The following MYO16 variants were observed in gnomAD, a reference collection of about 807,000 sequenced individuals.
MYO16 encodes the protein myosin XVI.
MYO16 carries 94 observed loss-of-function variants against 205.3 expected under a neutral mutation model. That is an observed-to-expected ratio of 0.46 (90% CI 0.39 to 0.54). The LOEUF is 0.54. MYO16 is among the 20% of genes least tolerant of loss of function. MYO16 has a pLI of 0.00. For missense variants in MYO16, 2,315 were observed against 2,387.5 expected (o/e 0.97, Z 0.63); for synonymous variants, 988 against 954.0 (o/e 1.04, Z -0.66).
chr13:108,922,638 C>A (rs1227389136), intron 16 of MYO16, among the ~76,000 whole-genome samples: 1 of 152,072 alleles, frequency 6.6e-6, no homozygotes, highest in Non-Finnish European at 1.5e-5. Flanking sequence ...TCAGGTGGAG[C>A]CTATCAGGTT....
At chr13:108,571,650 G>A in the MYO16 span, among the ~76,000 whole-genome samples, 6 of 152,166 alleles carry the variant, frequency 3.9e-5, no homozygotes, top group Admixed American at 3.9e-4. Context: ...GGGTTCTCTG[G>A]CTGCAAATGG....
chr13:108,847,486 T>C (rs893959970), intron 10 of MYO16, among the ~76,000 whole-genome samples: 1 of 152,172 alleles, frequency 6.6e-6, no homozygotes, highest in Non-Finnish European at 1.5e-5. Flanking sequence ...TCACATTTCA[T>C]AGGAAAGCTT....
At chr13:108,880,506 T>G (rs1222142410) in intron 12 of MYO16, among the ~76,000 whole-genome samples, 1 of 152,232 alleles carries the variant, frequency 6.6e-6, no homozygotes, top group East Asian at 1.9e-4. Context: ...GTCTAACATT[T>G]AAGTCTTTAA....
At chr13:108,533,256 A>T in the MYO16 span, among the ~76,000 whole-genome samples, 26 of 152,212 alleles carry the variant, frequency 1.7e-4, no homozygotes, top group East Asian at 4.3e-3. Context: ...GTAACTATTT[A>T]AGTGTTGGAC....
intron 27 of MYO16, among the ~76,000 whole-genome samples, chr13:109,088,211 G>A (rs1285362829): frequency 6.6e-6 from 1 of 152,142 alleles, no homozygotes; most frequent in Non-Finnish European, 1.5e-5. Flanking sequence ...AGGTATGCAC[G>A]GGTGCGGAGT....
At chr13:109,062,565 G>GA (rs1264729291) in intron 27 of MYO16, among the ~76,000 whole-genome samples, 1 of 152,066 alleles carries the variant, frequency 6.6e-6, no homozygotes, top group Admixed American at 6.6e-5. Context: ...ATGGAATTAT[G>GA]AATTTATTTT....
chr13:108,970,995 G>T (rs565554976), intron 20 of MYO16, among the ~76,000 whole-genome samples: 3 of 152,176 alleles, frequency 2.0e-5, no homozygotes, highest in Non-Finnish European at 4.4e-5. Flanking sequence ...TTTTATAAAG[G>T]ATATCATCCA....
intron 21 of MYO16, among the ~76,000 whole-genome samples, chr13:108,993,635 T>C (rs908363995): frequency 6.6e-6 from 1 of 152,152 alleles, no homozygotes; most frequent in Non-Finnish European, 1.5e-5. Flanking sequence ...ATAGATCTCT[T>C]CTCCTTTCAT....
the MYO16 span, among the ~76,000 whole-genome samples, chr13:108,537,621 G>C: frequency 6.6e-6 from 1 of 152,034 alleles, no homozygotes; most frequent in African/African-American, 2.4e-5. Flanking sequence ...CACTAACAGT[G>C]GGTAAGCATT....
chr13:108,687,967 C>T (rs1276632821), intron 2 of MYO16, among the ~76,000 whole-genome samples: 2 of 152,096 alleles, frequency 1.3e-5, no homozygotes, highest in Non-Finnish European at 2.9e-5. Context: ...GAGGAAGAGG[C>T]AGAGTGACTA....
At position 108,709,900 on chromosome 13, in the gene MYO16, T is replaced by C. The variant is rs767677965; in HGVS notation, c.293-2761T>C. On this transcript the variant is annotated intron_variant, in intron 2 of 34. Transcript: ENST00000457511. ...TGGTTCTAATATGGTTCCATCTTGA[T>C]CATGCAAACAGCCCTCTCAAAAAAA... Among the ~76,000 whole-genome samples the C allele has an allele frequency of 1.9e-4, 26 of 134,582 alleles. 6 individuals are homozygous for C. Among genetic ancestry groups the C allele is most frequent in the Non-Finnish European group, 3.7e-4 (23 of 61,524 alleles). The allele number at this position is 134,582 out of a possible 152,430, so 88.3% of individuals were successfully genotyped here. A position where few individuals can be genotyped will look rare whatever the true frequency, so the allele number is the denominator to read the frequency against.
rs577031815 is a variant in MYO16 at position 108,978,911 on chromosome 13, T to C, written c.2370-13465T>C. 7.9e-5 allele frequency among the ~76,000 whole-genome samples: 12 copies of C among 152,134 alleles called. No individual in the cohort carries two copies. The East Asian group carries it at 2.3e-3, about 29-fold the overall frequency. On this transcript the variant is annotated intron_variant, in intron 20 of 34. Coordinates refer to ENST00000457511, the MANE Select transcript of MYO16 (RefSeq NM_001198950.3). ...TATTTTCTTTCTTTTTTGACTCACA[T>C]ATATTTTCTGGAATTTCATCCACTT...
intron 6 of MYO16, among the ~76,000 whole-genome samples, chr13:108,799,614 C>G (rs898660431): frequency 2.0e-5 from 3 of 152,112 alleles, no homozygotes; most frequent in African/African-American, 7.2e-5. Flanking sequence ...ATTAAGGAGT[C>G]GAAGAAAATA....
chr13:108,502,990 A>G, the MYO16 span, among the ~76,000 whole-genome samples: 1 of 152,224 alleles, frequency 6.6e-6, no homozygotes, highest in Admixed American at 6.5e-5. Flanking sequence ...TATTGAGTGT[A>G]GCTTGCTATT....
At chr13:108,693,517 T>G (rs1433439520) in intron 2 of MYO16, among the ~76,000 whole-genome samples, 1 of 152,220 alleles carries the variant, frequency 6.6e-6, no homozygotes, top group African/African-American at 2.4e-5. Flanking sequence ...CTTATTTCAC[T>G]CAGCATATTT....
intron 1 of MYO16, among the ~76,000 whole-genome samples, chr13:108,654,199 C>T (rs991551501): frequency 8.5e-5 from 13 of 152,060 alleles, no homozygotes; most frequent in African/African-American, 2.4e-4. Context: ...CAAGGTGACA[C>T]GCTTTGGCTC....
At chr13:108,595,324 T>C (rs544407445), upstream of MYO16, among the ~76,000 whole-genome samples, 5 of 152,246 alleles carry the variant, frequency 3.3e-5, no homozygotes, top group Non-Finnish European at 5.9e-5. Flanking sequence ...TCCACAAAAT[T>C]GAATGGATTA....
chr13:109,139,862 G>T (rs1876956066), intron 31 of MYO16, among the ~76,000 whole-genome samples: 1 of 151,938 alleles, frequency 6.6e-6, no homozygotes, highest in Admixed American at 6.6e-5. Flanking sequence ...GAGCCGGGTG[G>T]TGGCACCAAG....
At chr13:108,722,922 A>T (rs185547654) in intron 3 of MYO16, among the ~76,000 whole-genome samples, 69 of 152,290 alleles carry the variant, frequency 4.5e-4, no homozygotes, top group African/African-American at 1.5e-3. Flanking sequence ...GAAAGACCTT[A>T]GTTCAAAACC....
Sources: gnomAD v4.1 joint callset for allele counts (sites outside exome capture counted in the v4.1 genomes callset) on GRCh38, gnomAD v4.1.1 for gene constraint, MANE v1.5 for transcripts, NCBI Gene and HGNC (gene_info 2026-07-23, HGNC 2026-07-21) for gene names.